The following SPAST variants were observed in gnomAD, a reference collection of about 807,000 sequenced individuals.
SPAST encodes spastic paraplegia 4 (autosomal dominant; spastin).
A neutral mutation model predicts 76.6 loss-of-function variants in SPAST; 30 were observed. That is an observed-to-expected ratio of 0.39 (90% CI 0.29 to 0.53). The LOEUF (loss-of-function observed/expected upper bound fraction) is 0.53, where lower values mean the gene tolerates loss of function less well. Ranked by LOEUF, SPAST falls within the 20% of genes least tolerant of loss-of-function variation. The probability of loss-of-function intolerance (pLI) is 0.68; values close to 1 mark genes in which losing one functional copy is unlikely to be tolerated. For synonymous variants in SPAST, 305 were observed against 281.0 expected, an observed-to-expected ratio of 1.09 and a Z score of -0.86; for missense variants, 717 against 770.5, an observed-to-expected ratio of 0.93 and a Z score of 0.82.
chr2:32,114,783 T>C lies in SPAST; in HGVS notation c.828T>C (p.Ser276=), dbSNP rs77525846. The part of the protein sequence containing the change: ...APSYSGLSMV[S]GVKQGSGPAP... The stretch of plus-strand genomic sequence containing the variant: ...GTTACAGTGGTTTATCCATGGTTTC[T>C]GGAGTGAAACAGGGATCTGGTCCTG... Residue 276 remains serine, a synonymous_variant, in exon 5 of 17, where the codon TCT becomes TCC. Transcript: ENST00000315285. 327 of 1,614,152 alleles carry C rather than the reference T, an allele frequency of 2.0e-4. 3 individuals are homozygous for C. The East Asian group carries it at 7.2e-3, about 36-fold the overall frequency.
At chr2:32,100,450 A>G (rs1169756747) in intron 4 of SPAST, among the ~76,000 whole-genome samples, 7 of 151,676 alleles carry the variant, frequency 4.6e-5, no homozygotes, top group Non-Finnish European at 1.0e-4. Flanking sequence ...TTCTTTTGGC[A>G]TAATAATTAT....
At chr2:32,147,727 G>A (rs1343779603) in intron 16 of SPAST, among the ~76,000 whole-genome samples, 1 of 150,522 alleles carries the variant, frequency 6.6e-6, no homozygotes, top group Non-Finnish European at 1.5e-5. Context: ...TGCCTCCCGG[G>A]TTCACGCCAT....
chr2:32,081,493 T>G (rs888980875), intron 1 of SPAST, among the ~76,000 whole-genome samples: 4 of 152,130 alleles, frequency 2.6e-5, no homozygotes, highest in Non-Finnish European at 4.4e-5. Context: ...TTTGTCTGTT[T>G]AGTTGCATGA....
At chr2:32,086,830 CAAAAA>C (rs956417060) in intron 1 of SPAST, among the ~76,000 whole-genome samples, 25 of 151,932 alleles carry the variant, frequency 1.6e-4, no homozygotes, top group African/African-American at 5.3e-4. Flanking sequence ...AGAAATAAAA[CAAAAA>C]ATTAATTTTC....
Position 32,064,089 on chromosome 2 carries a change from C to T in SPAST, c.258C>T (p.Leu86=). Residue 86 remains leucine, a synonymous_variant, in exon 1 of 17, where the codon CTC becomes CTT. Coordinates refer to ENST00000315285, the MANE Select transcript of SPAST (RefSeq NM_014946.4). The part of the protein sequence containing the change: ...VWLCQRFSRA[L]MAAKRSSGAA... ...TCTGCCAGCGCTTCTCCCGCGCCCTCATGGCAGCCAAGAGGAGCTCCGGGG... is the reference window on the plus strand; with the variant it reads ...TCTGCCAGCGCTTCTCCCGCGCCCTTATGGCAGCCAAGAGGAGCTCCGGGG... 4.3e-6 allele frequency: 7 copies of T among 1,611,310 alleles called. No homozygotes were observed. The highest frequency in any genetic ancestry group is 5.9e-6 in the Non-Finnish European group (7 of 1,178,924).
At chr2:32,074,843 C>T (rs750264968) in intron 1 of SPAST, among the ~76,000 whole-genome samples, 4 of 152,004 alleles carry the variant, frequency 2.6e-5, no homozygotes, top group Non-Finnish European at 4.4e-5. Context: ...TTACCCTTTT[C>T]GAACTGTGGG....
intron 1 of SPAST, among the ~76,000 whole-genome samples, chr2:32,071,852 A>C (rs1676764082): frequency 6.6e-6 from 1 of 152,138 alleles, no homozygotes; most frequent in African/African-American, 2.4e-5. Flanking sequence ...ATACATTGTA[A>C]ATGTTTCTTA....
chr2:32,148,581 G>A (rs182485477), intron 16 of SPAST, among the ~76,000 whole-genome samples: 6,208 of 152,006 alleles, frequency 0.041, 159 homozygotes, highest in Middle Eastern at 0.11. Flanking sequence ...AGGCCGAGGC[G>A]GGCGGATCAC....
Position 32,066,538 on chromosome 2 carries a change from C to T in SPAST, c.415+2292C>T, listed in dbSNP as rs34679667. Among the ~76,000 whole-genome samples the T allele has an allele frequency of 5.3e-3, 813 of 152,060 alleles. 5 individuals are homozygous for T. The highest frequency in any genetic ancestry group is 8.5e-3 in the Non-Finnish European group (581 of 67,994). On this transcript the variant is annotated intron_variant, in intron 1 of 16. Transcript: ENST00000315285. ...CAAAAATTAGCTGGGCATGGTGACA[C>T]ATGCCTGTAGTCCCAGCTACTCAGG...
At chr2:32,131,599 AGGAAGT>A (rs1679370009) in intron 9 of SPAST, among the ~76,000 whole-genome samples, 1 of 151,862 alleles carries the variant, frequency 6.6e-6, no homozygotes, top group South Asian at 2.1e-4. Context: ...TCTCATAACC[AGGAAGT>A]GGGAAACTAG....
rs937372798 is a variant in SPAST at position 32,063,643 on chromosome 2, G to T, written c.-189G>T. The T allele has an allele frequency of 7.2e-6, 5 of 691,168 alleles. No homozygotes were observed. The highest frequency in any genetic ancestry group is 3.0e-5 in the Admixed American group (1 of 33,144). The allele number at this position is 691,168 out of a possible 1,614,324, so 42.8% of individuals were successfully genotyped here. ...GCCACCGACTGCAGGAGGAGAAGGG[G>T]TTGTGCTCCTGGCCGAGGAAGGAGA... On this transcript the variant is annotated 5_prime_UTR_variant, in exon 1 of 17. Coordinates refer to ENST00000315285, the MANE Select transcript of SPAST (RefSeq NM_014946.4).
intron 1 of SPAST, among the ~76,000 whole-genome samples, chr2:32,083,485 G>T (rs1677319874): frequency 6.6e-6 from 1 of 151,104 alleles, no homozygotes; most frequent in Non-Finnish European, 1.5e-5. Context: ...TAATATTTTG[G>T]TATTTTTATG....
chr2:32,126,337 G>A (rs1274742104), intron 7 of SPAST, among the ~76,000 whole-genome samples: 1 of 151,970 alleles, frequency 6.6e-6, no homozygotes, highest in Non-Finnish European at 1.5e-5. Flanking sequence ...TTTTTGTTTG[G>A]AAGATTCATA....
chr2:32,097,698 CTT>C (rs11442450), intron 3 of SPAST, among the ~76,000 whole-genome samples: 2 of 130,494 alleles, frequency 1.5e-5, no homozygotes, highest in Non-Finnish European at 1.6e-5. Flanking sequence ...TTTTTCTTTT[CTT>C]TTTTTTTTTT....
intron 4 of SPAST, 87 bp downstream of exon 4, chr2:32,098,978 A>G: frequency 1.1e-6 from 1 of 891,948 alleles, no homozygotes; most frequent in East Asian, 2.5e-5. Flanking sequence ...ATTTGATTTT[A>G]TAATGGTAGG....
At chr2:32,133,779 A>G (rs1300712962) in intron 9 of SPAST, among the ~76,000 whole-genome samples, 2 of 150,246 alleles carry the variant, frequency 1.3e-5, no homozygotes, top group South Asian at 2.1e-4. Flanking sequence ...AATACTAGGG[A>G]AAAAAAAATC....
At chr2:32,152,515 C>T (rs1381781471) in intron 16 of SPAST, among the ~76,000 whole-genome samples, 1 of 152,094 alleles carries the variant, frequency 6.6e-6, no homozygotes, top group Non-Finnish European at 1.5e-5. Context: ...CGAGATCATG[C>T]CACTGCACTC....
intron 16 of SPAST, among the ~76,000 whole-genome samples, chr2:32,150,056 T>C (rs1271157360): frequency 6.6e-6 from 1 of 151,346 alleles, no homozygotes; most frequent in South Asian, 2.1e-4. Context: ...AGAAAGCTTT[T>C]AGTTTTCTTT....
At chr2:32,141,157 G>A (rs1326255904) in intron 12 of SPAST, among the ~76,000 whole-genome samples, 1 of 152,064 alleles carries the variant, frequency 6.6e-6, no homozygotes, top group Non-Finnish European at 1.5e-5. Flanking sequence ...TGAAGTATAT[G>A]TGTATGTAAA....
Sources: gnomAD v4.1 joint callset for allele counts (sites outside exome capture counted in the v4.1 genomes callset) on GRCh38, gnomAD v4.1.1 for gene constraint, MANE v1.5 for transcripts, NCBI Gene and HGNC (gene_info 2026-07-23, HGNC 2026-07-21) for gene names.